Variants in TENM3 observed in about 807,000 individuals in gnomAD.
The protein encoded by TENM3 is teneurin-3.
A neutral mutation model predicts 255.1 loss-of-function variants in TENM3; 63 were observed. The ratio of observed to expected loss-of-function variants is 0.25; its 90% CI spans 0.20 to 0.30. TENM3 has a LOEUF of 0.30. Among genes scored for constraint, TENM3 ranks in the 10% least tolerant of loss-of-function variants. The pLI is 1.00. For missense variants in TENM3, 2,929 were observed against 3,461.1 expected (o/e 0.85, Z 3.86); for synonymous variants, 1,306 against 1,322.3 (o/e 0.99, Z 0.27).
the TENM3 span, among the ~76,000 whole-genome samples, chr4:181,532,573 A>T: frequency 6.6e-6 from 1 of 152,180 alleles, no homozygotes; most frequent in Non-Finnish European, 1.5e-5. Context: ...TTGGAGTTAT[A>T]AATTTTGGAA....
intron 1 of TENM3, among the ~76,000 whole-genome samples, chr4:182,185,205 A>G (rs1486114521): frequency 6.6e-6 from 1 of 152,162 alleles, no homozygotes; most frequent in Non-Finnish European, 1.5e-5. Flanking sequence ...ACTTTCTTTT[A>G]TCGACATAGT....
intron 3 of TENM3, among the ~76,000 whole-genome samples, chr4:182,420,667 G>A (rs1456853588): frequency 1.3e-5 from 2 of 152,198 alleles, no homozygotes; most frequent in South Asian, 2.1e-4. Context: ...TGCTGTGGGG[G>A]CAGAATCCTG....
At chr4:182,552,301 C>A (rs1489470434) in intron 3 of TENM3, among the ~76,000 whole-genome samples, 1 of 152,100 alleles carries the variant, frequency 6.6e-6, no homozygotes, top group African/African-American at 2.4e-5. Flanking sequence ...AAAAAGTTAA[C>A]TCTTGATTTG....
At position 182,751,890 on chromosome 4, in the gene TENM3, C is replaced by T; in HGVS notation, c.3720C>T (p.Arg1240=). The T allele has an allele frequency of 6.2e-7, 1 of 1,613,770 alleles. No individual in the cohort carries two copies. Among genetic ancestry groups the T allele is most frequent in the South Asian group, 1.1e-5 (1 of 91,056 alleles). ...VSDTNTRRIY[R]PKSLTGAKDL... Reference sequence around the variant, plus strand: ...ACACAAACACCCGCAGAATTTATCGCCCAAAGTCACTTACGGGGGCAAAAG... The same window carrying T: ...ACACAAACACCCGCAGAATTTATCGTCCAAAGTCACTTACGGGGGCAAAAG... Residue 1240 remains arginine (R), a synonymous_variant, in exon 20 of 28, where the codon CGC becomes CGT. Coordinates refer to ENST00000511685, the MANE Select transcript of TENM3 (RefSeq NM_001080477.4).
the TENM3 span, among the ~76,000 whole-genome samples, chr4:181,655,085 A>C: frequency 1.3e-5 from 2 of 152,350 alleles, no homozygotes; most frequent in South Asian, 4.1e-4. Flanking sequence ...AAGCCCTGGA[A>C]CCCAGGAAGG....
the TENM3 span, among the ~76,000 whole-genome samples, chr4:182,090,515 G>A: frequency 6.6e-6 from 1 of 152,126 alleles, no homozygotes; most frequent in Non-Finnish European, 1.5e-5. Context: ...TAAATTCTTG[G>A]AAGTGGAGTC....
the TENM3 span, among the ~76,000 whole-genome samples, chr4:181,548,559 C>T: frequency 6.6e-6 from 1 of 152,290 alleles, no homozygotes; most frequent in South Asian, 2.1e-4. Flanking sequence ...TTAAAATTAA[C>T]TGAGAGGTGT....
chr4:181,924,627 A>C, the TENM3 span, among the ~76,000 whole-genome samples: 2 of 152,208 alleles, frequency 1.3e-5, no homozygotes, highest in Non-Finnish European at 2.9e-5. Context: ...TACCTGAATA[A>C]TTCAGAATCC....
chr4:182,469,114 A>C (rs1226125098), intron 3 of TENM3, among the ~76,000 whole-genome samples: 1 of 152,158 alleles, frequency 6.6e-6, no homozygotes, highest in Non-Finnish European at 1.5e-5. Context: ...GTGCATCTCC[A>C]ATGGAAACAT....
chr4:182,551,291 T>G (rs1741986171), intron 3 of TENM3, among the ~76,000 whole-genome samples: 2 of 151,634 alleles, frequency 1.3e-5, no homozygotes, highest in Admixed American at 1.3e-4. Context: ...ACGAAGATGA[T>G]GAAATTGTCC....
chr4:182,386,483 G>T (rs1167849313), intron 3 of TENM3, among the ~76,000 whole-genome samples: 1 of 152,252 alleles, frequency 6.6e-6, no homozygotes, highest in Admixed American at 6.5e-5. Flanking sequence ...CCTTCGGCCT[G>T]CCACTGCACT....
chr4:182,561,981 T>TAAAC (rs1553986581), intron 3 of TENM3, among the ~76,000 whole-genome samples: 91 of 128,338 alleles, frequency 7.1e-4, no homozygotes, highest in Middle Eastern at 4.2e-3. Context: ...GATAGATAGA[T>TAAAC]AGACAGATAG....
chr4:181,692,317 CTCTATCAT>C, the TENM3 span, among the ~76,000 whole-genome samples: 1 of 152,160 alleles, frequency 6.6e-6, no homozygotes, highest in Non-Finnish European at 1.5e-5. Context: ...TTGTCTTACA[CTCTATCAT>C]TTCCAAGTCT....
chr4:182,692,313 C>T (rs74561675), intron 12 of TENM3, among the ~76,000 whole-genome samples: 29,388 of 152,134 alleles, frequency 0.19, 3,037 homozygotes, highest in Middle Eastern at 0.26. Context: ...AAGTGTAATA[C>T]GAAGTAAATA....
chr4:181,495,960 G>A, the TENM3 span, among the ~76,000 whole-genome samples: 165 of 150,770 alleles, frequency 1.1e-3, 5 homozygotes, highest in South Asian at 0.016. Context: ...TACCTGGGGT[G>A]CTTACTGTTT....
the TENM3 span, among the ~76,000 whole-genome samples, chr4:181,891,288 A>G: frequency 5.3e-5 from 8 of 152,206 alleles, 1 homozygote; most frequent in Non-Finnish European, 1.0e-4. Context: ...TCTAAAACAT[A>G]AATTGAAACC....
chr4:181,502,586 T>C, the TENM3 span, among the ~76,000 whole-genome samples: 2 of 152,226 alleles, frequency 1.3e-5, no homozygotes, highest in African/African-American at 4.8e-5. Context: ...ATATGTCTCA[T>C]GTCCTGGAAG....
At chr4:182,488,003 AGAT>A (rs1734923226) in intron 3 of TENM3, among the ~76,000 whole-genome samples, 1 of 152,224 alleles carries the variant, frequency 6.6e-6, no homozygotes, top group African/African-American at 2.4e-5. Flanking sequence ...CAAGAAGTAG[AGAT>A]AAACATTTAT....
At chr4:181,707,091 C>T in the TENM3 span, among the ~76,000 whole-genome samples, 1 of 152,178 alleles carries the variant, frequency 6.6e-6, no homozygotes, top group Non-Finnish European at 1.5e-5. Flanking sequence ...AAATGCTTTG[C>T]AGATAAATGG....
Sources: gnomAD v4.1 joint callset for allele counts (sites outside exome capture counted in the v4.1 genomes callset) on GRCh38, gnomAD v4.1.1 for gene constraint, MANE v1.5 for transcripts, NCBI Gene and HGNC (gene_info 2026-07-23, HGNC 2026-07-21) for gene names.